Variants in DDX60L observed in about 807,000 individuals in gnomAD.
The protein encoded by DDX60L is DExD/H-box 60 like.
In DDX60L, 191 loss-of-function variants were observed where a neutral mutation model predicts 211.6. The observed-to-expected ratio is 0.90, with a 90% CI of 0.80 to 1.02. The LOEUF (loss-of-function observed/expected upper bound fraction) is 1.02, where lower values mean the gene tolerates loss of function less well. Ranked by LOEUF, DDX60L falls within the 50% of genes least tolerant of loss-of-function variation. The pLI is 0.00. For synonymous variants in DDX60L, 706 were observed against 694.1 expected (o/e 1.02, Z -0.27); for missense variants, 2,007 against 1,984.1 (o/e 1.01, Z -0.22).
intron 13 of DDX60L, among the ~76,000 whole-genome samples, chr4:168,429,086 C>T (rs1214721857): frequency 6.6e-6 from 1 of 152,054 alleles, no homozygotes; most frequent in Non-Finnish European, 1.5e-5. Context: ...AAATGTTAGG[C>T]CTATTTTTAC....
Position 168,433,134 on chromosome 4 carries a change from T to A in DDX60L, c.1295-19A>T. 6.6e-7 allele frequency: 1 copy of A among 1,524,716 alleles called. No individual in the cohort carries two copies. Among genetic ancestry groups the A allele is most frequent in the Non-Finnish European group, 9.0e-7 (1 of 1,109,332 alleles). 94.4% of individuals were successfully genotyped at this position (1,524,716 alleles called of 1,614,324 possible). The stretch of plus-strand genomic sequence containing the variant: ...GAGATTTCTGAAAACAAATATAAAT[T>A]TAAGATGAGAGGAAAGGTGTAACTA... On this transcript the variant is annotated intron_variant, in intron 10 of 37. Coordinates refer to ENST00000682922, the MANE Select transcript of DDX60L (RefSeq NM_001012967.3).
intron 10 of DDX60L, among the ~76,000 whole-genome samples, chr4:168,437,273 A>G (rs1753172579): frequency 6.6e-6 from 1 of 152,216 alleles, no homozygotes; most frequent in Admixed American, 6.5e-5. Flanking sequence ...GGCCTAATGT[A>G]ATAACTGCTA....
intron 10 of DDX60L, among the ~76,000 whole-genome samples, chr4:168,440,852 C>A (rs1295561094): frequency 6.6e-6 from 1 of 152,070 alleles, no homozygotes; most frequent in Non-Finnish European, 1.5e-5. Context: ...TACAAAGAGA[C>A]AGTTCACAGC....
chr4:168,478,888 C>T (rs1759979070), intron 1 of DDX60L, among the ~76,000 whole-genome samples: 1 of 152,064 alleles, frequency 6.6e-6, no homozygotes, highest in Non-Finnish European at 1.5e-5. Flanking sequence ...TAGAGAAGGG[C>T]ATTTAATTTT....
At chr4:168,388,102 G>A (rs1744200029) in intron 29 of DDX60L, among the ~76,000 whole-genome samples, 2 of 152,174 alleles carry the variant, frequency 1.3e-5, no homozygotes, top group Non-Finnish European at 2.9e-5. Flanking sequence ...TCATCCCCAT[G>A]CTAATTGCTA....
At chr4:168,452,825 C>T (rs1249755797) in intron 8 of DDX60L, among the ~76,000 whole-genome samples, 1 of 152,044 alleles carries the variant, frequency 6.6e-6, no homozygotes, top group Non-Finnish European at 1.5e-5. Context: ...AATTCATAAA[C>T]ACTTTTCCTG....
intron 18 of DDX60L, 22 bp from the exon 19 acceptor site, chr4:168,419,419 G>A (rs1750108509): frequency 9.8e-6 from 15 of 1,526,522 alleles, no homozygotes; most frequent in Non-Finnish European, 1.3e-5. Flanking sequence ...AATGATTAGT[G>A]TAGCTAACTT....
In DDX60L at chr4:168,400,815, T is replaced by A; in HGVS notation, c.3491+11A>T. 2 of 1,603,456 alleles carry A rather than the reference T, an allele frequency of 1.2e-6. No homozygotes were observed. Among genetic ancestry groups the A allele is most frequent in the Non-Finnish European group, 1.7e-6 (2 of 1,174,996 alleles). On this transcript the variant is annotated intron_variant, in intron 26 of 37. Transcript: ENST00000682922. ...AGGGGCCAATTTGTTTAAGTAAACA[T>A]TAATACTTACATCCTTTTCTGTGTC...
intron 22 of DDX60L, among the ~76,000 whole-genome samples, chr4:168,410,357 G>A (rs1259820860): frequency 6.6e-6 from 1 of 152,146 alleles, no homozygotes; most frequent in Non-Finnish European, 1.5e-5. Flanking sequence ...AAGCATTCCA[G>A]GTATAGTACA....
At chr4:168,430,015 G>A (rs1264854700) in intron 13 of DDX60L, among the ~76,000 whole-genome samples, 1 of 152,042 alleles carries the variant, frequency 6.6e-6, no homozygotes, top group African/African-American at 2.4e-5. Flanking sequence ...CTGGCCAACA[G>A]GAAGAAACCC....
intron 26 of DDX60L, among the ~76,000 whole-genome samples, chr4:168,399,131 A>C (rs569998303): frequency 1.5e-4 from 23 of 152,146 alleles, no homozygotes; most frequent in Non-Finnish European, 3.2e-4. Context: ...TTCTTCCTGG[A>C]TACGGGACAA....
intron 22 of DDX60L, among the ~76,000 whole-genome samples, chr4:168,411,323 C>T (rs1330151536): frequency 6.6e-6 from 1 of 152,146 alleles, no homozygotes; most frequent in Non-Finnish European, 1.5e-5. Context: ...CTGAAGAGGG[C>T]AGGAAAGACA....
At chr4:168,454,758 C>T (rs60495277) in intron 7 of DDX60L, among the ~76,000 whole-genome samples, 901 of 88,656 alleles carry the variant, frequency 0.01, 32 homozygotes, top group African/African-American at 0.035. Context: ...AAACAGCTTC[C>T]TTTTTTTTTT....
intron 37 of DDX60L, among the ~76,000 whole-genome samples, chr4:168,359,388 T>A (rs2149582221): frequency 6.6e-6 from 1 of 152,342 alleles, no homozygotes; most frequent in African/African-American, 2.4e-5. Context: ...GTCATCATCA[T>A]GTATTCCCTA....
intron 36 of DDX60L, among the ~76,000 whole-genome samples, chr4:168,363,313 T>C (rs975298849): frequency 1.3e-5 from 2 of 152,192 alleles, no homozygotes; most frequent in Non-Finnish European, 2.9e-5. Flanking sequence ...CTTAAGTGAA[T>C]GCTACAACTA....
At chr4:168,391,334 C>A (rs946262204) in intron 29 of DDX60L, among the ~76,000 whole-genome samples, 2 of 152,110 alleles carry the variant, frequency 1.3e-5, no homozygotes, top group African/African-American at 4.8e-5. Flanking sequence ...AGCCAATAAA[C>A]CCTAACTATG....
At chr4:168,461,630 T>C (rs1757328455) in intron 5 of DDX60L, 69 bp downstream of exon 5, 15 of 1,094,614 alleles carry the variant, frequency 1.4e-5, no homozygotes, top group Non-Finnish European at 1.9e-5. Flanking sequence ...ACAGAAAGAA[T>C]ATTGAGTTAG....
At chr4:168,432,243 T>A (rs199811715) in intron 12 of DDX60L, among the ~76,000 whole-genome samples, 1,547 of 111,618 alleles carry the variant, frequency 0.014, 29 homozygotes, top group African/African-American at 0.037. Flanking sequence ...ATATATATAT[T>A]GTGTGTGTGT....
intron 7 of DDX60L, 75 bp downstream of exon 7, chr4:168,455,964 C>A: frequency 1.0e-6 from 1 of 990,952 alleles, no homozygotes; most frequent in East Asian, 3.0e-5. Flanking sequence ...GAACCTGATG[C>A]CACCAGTGAA....
Sources: gnomAD v4.1 joint callset for allele counts (sites outside exome capture counted in the v4.1 genomes callset) on GRCh38, gnomAD v4.1.1 for gene constraint, MANE v1.5 for transcripts, NCBI Gene and HGNC (gene_info 2026-07-23, HGNC 2026-07-21) for gene names.